The following NEO1 variants were observed in gnomAD, a reference collection of about 807,000 sequenced individuals.
The protein encoded by NEO1 is neogenin.
NEO1 carries 63 observed loss-of-function variants against 159.7 expected under a neutral mutation model. The observed-to-expected ratio is 0.39, with a 90% CI of 0.32 to 0.49. The LOEUF is 0.49. Ranked by LOEUF, NEO1 falls within the 20% of genes least tolerant of loss-of-function variation. The probability of loss-of-function intolerance (pLI) is 0.85; values close to 1 mark genes in which losing one functional copy is unlikely to be tolerated. For synonymous variants in NEO1, 633 were observed against 662.0 expected, an observed-to-expected ratio of 0.96 and a Z score of 0.67; for missense variants, 1,615 against 1,831.0, an observed-to-expected ratio of 0.88 and a Z score of 2.15.
chr15:73,107,313 C>T (rs1482377512), intron 1 of NEO1, among the ~76,000 whole-genome samples: 1 of 152,042 alleles, frequency 6.6e-6, no homozygotes, highest in African/African-American at 2.4e-5. Flanking sequence ...AAGGTGATCT[C>T]GAAGATTGAT....
At chr15:73,139,180 G>C (rs2032127413) in intron 5 of NEO1, among the ~76,000 whole-genome samples, 1 of 151,970 alleles carries the variant, frequency 6.6e-6, no homozygotes, top group Non-Finnish European at 1.5e-5. Flanking sequence ...ACCCAAAATG[G>C]ATTAAACACT....
chr15:73,216,322 C>A (rs1048621237), intron 7 of NEO1, among the ~76,000 whole-genome samples: 21 of 152,236 alleles, frequency 1.4e-4, no homozygotes, highest in Non-Finnish European at 2.2e-4. Flanking sequence ...TTTCTTAATC[C>A]AGTCTATCAT....
At chr15:73,074,178 G>T (rs1297687036) in intron 1 of NEO1, among the ~76,000 whole-genome samples, 1 of 152,172 alleles carries the variant, frequency 6.6e-6, no homozygotes, top group East Asian at 1.9e-4. Context: ...AAAGGTATCA[G>T]CTCAGGCATA....
At chr15:73,083,993 A>G (rs1294791254) in intron 1 of NEO1, among the ~76,000 whole-genome samples, 2 of 152,026 alleles carry the variant, frequency 1.3e-5, no homozygotes, top group African/African-American at 4.8e-5. Flanking sequence ...ATTTTCATTG[A>G]CAAATAAAAA....
intron 5 of NEO1, among the ~76,000 whole-genome samples, chr15:73,170,761 C>T (rs1483265547): frequency 2.6e-5 from 4 of 152,040 alleles, no homozygotes; most frequent in Admixed American, 1.3e-4. Flanking sequence ...TTTCGAAGTA[C>T]GGTACTTTAG....
intron 5 of NEO1, chr15:73,163,076 A>G (rs1221703223): frequency 1.3e-5 from 2 of 152,164 alleles, no homozygotes; most frequent in Admixed American, 6.6e-5. Flanking sequence ...TTTTCTTCCT[A>G]AAGGTTTTAT....
At chr15:73,125,673 G>A (rs1205004640) in intron 3 of NEO1, among the ~76,000 whole-genome samples, 1 of 152,186 alleles carries the variant, frequency 6.6e-6, no homozygotes, top group Non-Finnish European at 1.5e-5. Flanking sequence ...CTGCCCACAA[G>A]AGTGTGGCCT....
intron 5 of NEO1, among the ~76,000 whole-genome samples, chr15:73,166,018 AC>A (rs1259377367): frequency 1.3e-5 from 2 of 151,826 alleles, no homozygotes; most frequent in East Asian, 3.9e-4. Flanking sequence ...TCTTAGGCAA[AC>A]CTCCCTGTGC....
chr15:73,163,288 T>G (rs1157926701), intron 5 of NEO1, among the ~76,000 whole-genome samples: 3 of 152,324 alleles, frequency 2.0e-5, no homozygotes, highest in Middle Eastern at 3.4e-3. Context: ...GCTTTTATTT[T>G]TCTTTTAAAA....
chr15:73,301,673 C>CTT (rs772513122), intron 28 of NEO1: 593 of 467,458 alleles, frequency 1.3e-3, no homozygotes, highest in African/African-American at 1.8e-3. Flanking sequence ...CATATCCACT[C>CTT]TTTTTTTTTT....
At chr15:73,134,926 C>T (rs2031579467) in intron 4 of NEO1, among the ~76,000 whole-genome samples, 2 of 152,026 alleles carry the variant, frequency 1.3e-5, no homozygotes, top group African/African-American at 4.8e-5. Flanking sequence ...AAAAGTCCAG[C>T]CTGTGAAAAC....
intron 1 of NEO1, among the ~76,000 whole-genome samples, chr15:73,063,661 G>A (rs1411183220): frequency 6.6e-6 from 1 of 151,848 alleles, no homozygotes; most frequent in Non-Finnish European, 1.5e-5. Flanking sequence ...TTGTTTTTTG[G>A]CCAGGAGGGT....
At chr15:73,195,026 A>T (rs995811050) in intron 7 of NEO1, among the ~76,000 whole-genome samples, 1 of 152,200 alleles carries the variant, frequency 6.6e-6, no homozygotes, top group African/African-American at 2.4e-5. Flanking sequence ...CATCAATTTC[A>T]TCTTTGCCAA....
At chr15:73,293,210 T>TA (rs1016638425) in intron 25 of NEO1, among the ~76,000 whole-genome samples, 180 bp from the exon 26 acceptor site, 3 of 152,210 alleles carry the variant, frequency 2.0e-5, no homozygotes, top group Non-Finnish European at 2.9e-5. Flanking sequence ...TCTTCATTTT[T>TA]AAAAAACAAC....
At chr15:73,077,201 G>A (rs182034812) in intron 1 of NEO1, among the ~76,000 whole-genome samples, 4 of 152,092 alleles carry the variant, frequency 2.6e-5, no homozygotes, top group African/African-American at 4.8e-5. Context: ...CCGCCACCAC[G>A]CCTGGCTAAT....
Position 73,260,442 on chromosome 15 carries a change from G to A in NEO1, c.2375G>A (p.Arg792His). ...AQTIKVDYKQ[R>H]YYTIENLDPS... ...ACCATCAAAGTGGACTATAAACAGC[G>A]CTATTACACCATTGAAAATCTGGGT... The change falls in exon 15 of 29, where the codon CGC (arginine) becomes CAC (histidine). Residue 792 changes from arginine (R) to histidine (H), a missense_variant. By Grantham distance (29) the Arg-to-His change is conservative. This residue lies in a region of NEO1 where 1,018 missense variants were observed against 1,115.4 expected (regional missense o/e 0.91). Coordinates refer to ENST00000261908, the MANE Select transcript of NEO1 (RefSeq NM_002499.4). 6.2e-7 allele frequency: 1 copy of A among 1,605,872 alleles called. No individual in the cohort carries two copies. The highest frequency in any genetic ancestry group is 8.5e-7 in the Non-Finnish European group (1 of 1,174,018).
At chr15:73,288,266 G>T (rs370718744) in intron 23 of NEO1, 47 bp from the exon 24 acceptor site, 121 of 1,549,756 alleles carry the variant, frequency 7.8e-5, no homozygotes, top group Admixed American at 1.4e-4. Flanking sequence ...TGACAAATAC[G>T]TTCAAATGAG....
At chr15:73,075,151 G>T (rs944678952) in intron 1 of NEO1, among the ~76,000 whole-genome samples, 8 of 152,122 alleles carry the variant, frequency 5.3e-5, no homozygotes, top group African/African-American at 1.9e-4. Flanking sequence ...ACCATACAAA[G>T]AAGTAAGTGA....
intron 1 of NEO1, among the ~76,000 whole-genome samples, chr15:73,094,805 C>G (rs181262291): frequency 7.9e-5 from 12 of 152,202 alleles, no homozygotes; most frequent in African/African-American, 2.6e-4. Context: ...TTGATCATTT[C>G]AGGGTTTTGT....
Sources: gnomAD v4.1 joint callset for allele counts (sites outside exome capture counted in the v4.1 genomes callset) on GRCh38, gnomAD v4.1.1 for gene constraint, gnomAD v4.1.1 regional missense constraint, MANE v1.5 for transcripts, NCBI Gene and HGNC (gene_info 2026-07-23, HGNC 2026-07-21) for gene names.